The following TTC39C variants were observed in gnomAD, a reference collection of about 807,000 sequenced individuals.
TTC39C encodes the protein tetratricopeptide repeat protein 39C.
Under a neutral mutation model 76.3 loss-of-function variants are expected in TTC39C, and 33 were observed. The ratio of observed to expected loss-of-function variants is 0.43; its 90% CI spans 0.33 to 0.58. The LOEUF (loss-of-function observed/expected upper bound fraction) is 0.58. TTC39C is among the 20% of genes least tolerant of loss of function. TTC39C has a pLI of 0.04. For synonymous variants in TTC39C, 254 were observed against 260.6 expected (o/e 0.97, Z 0.24); for missense variants, 595 against 701.4 (o/e 0.85, Z 1.71).
chr18:24,014,743 TC>T, upstream of TTC39C: 3 of 1,072,962 alleles, frequency 2.8e-6, no homozygotes, highest in Non-Finnish European at 3.4e-6. Context: ...TCCCGTCTTC[TC>T]CCCTCCCCTC....
At position 24,030,648 on chromosome 18, in the gene TTC39C, C is replaced by CTTTTTTTTTTTTTTTTTT. The variant is rs1167104790; in HGVS notation, c.167+15614_167+15631dup. ...TCTCTCAACAGCCCCAAAGATAGGC[C>CTTTTTTTTTTTTTTTTTT]TTTTTTTTTTTTTTTTTTTTTGAGA... On this transcript the variant is annotated intron_variant, in intron 1 of 13. Transcript: ENST00000317571. Among the ~76,000 whole-genome samples, 4 of 89,064 alleles carry CTTTTTTTTTTTTTTTTTT rather than the reference C, an allele frequency of 4.5e-5. 1 individual carries two copies. Among genetic ancestry groups the CTTTTTTTTTTTTTTTTTT allele is most frequent in the Non-Finnish European group, 6.1e-5 (3 of 49,524 alleles). The allele number at this position is 89,064 out of a possible 152,430, so 58.4% of individuals were successfully genotyped here.
rs200762141 is a variant in TTC39C, at chr18:24,000,753, G to T, written c.-17+7715G>T. ...CCAGCACTTGGTTCAATGCCCTGCT[G>T]TTGTCATCTTAAAATTCTTCATGAT... is the stretch of plus-strand genomic sequence containing the variant. On this transcript the variant is annotated intron_variant, in intron 1 of 13. Coordinates refer to the TTC39C transcript ENST00000304621. Among the ~76,000 whole-genome samples, 40 of 152,256 alleles carry T rather than the reference G, an allele frequency of 2.6e-4. No homozygotes were observed. In the East Asian group the frequency reaches 7.5e-3, roughly 29 times the overall value.
intron 4 of TTC39C, among the ~76,000 whole-genome samples, chr18:24,075,280 G>A (rs1257908252): frequency 2.0e-5 from 3 of 151,690 alleles, no homozygotes; most frequent in Non-Finnish European, 2.9e-5. Context: ...GCACATGTAC[G>A]CTAGAACTTA....
chr18:24,050,563 C>CAAAAAAA (rs67885761), intron 1 of TTC39C, among the ~76,000 whole-genome samples: 5 of 77,104 alleles, frequency 6.5e-5, no homozygotes, highest in Non-Finnish European at 1.2e-4. Context: ...GACCCTGTCT[C>CAAAAAAA]AAAAAAAAAA....
chr18:24,030,525 CACAG>C (rs953210424), intron 1 of TTC39C, among the ~76,000 whole-genome samples: 24 of 152,128 alleles, frequency 1.6e-4, no homozygotes, highest in African/African-American at 5.8e-4. Context: ...TAAATGCCTG[CACAG>C]ACAAACAGTG....
rs116843579 is a variant in TTC39C at position 24,087,507 on chromosome 18, A to C, written c.984+4426A>C. Among the ~76,000 whole-genome samples the C allele has an allele frequency of 2.4e-4, 36 of 152,252 alleles. 2 individuals carry two copies. The East Asian group carries it at 6.8e-3, about 29-fold the overall frequency. ...CTCTAAAAAAGTGTTCAGATATTCA[A>C]ATAAATGAAAGTCGTTTTCTATAAA... is the stretch of plus-strand genomic sequence containing the variant. On this transcript the variant is annotated intron_variant, in intron 6 of 13. Transcript: ENST00000317571.
chr18:24,115,288 A>G (rs1226441179), intron 7 of TTC39C, among the ~76,000 whole-genome samples: 2 of 152,188 alleles, frequency 1.3e-5, no homozygotes, highest in Admixed American at 1.3e-4. Flanking sequence ...AATTGTTGCT[A>G]TGGGTCTTTG....
chr18:24,099,923 G>A (rs1160815229), intron 6 of TTC39C, among the ~76,000 whole-genome samples: 2 of 152,032 alleles, frequency 1.3e-5, no homozygotes, highest in Non-Finnish European at 2.9e-5. Flanking sequence ...CTGTAAAAAT[G>A]TGATATTATT....
intron 6 of TTC39C, among the ~76,000 whole-genome samples, chr18:24,113,001 A>C: frequency 6.6e-6 from 1 of 151,980 alleles, no homozygotes; most frequent in Admixed American, 6.5e-5. Flanking sequence ...GCTGTGTGCT[A>C]ACAGTCAGTG....
intron 6 of TTC39C, among the ~76,000 whole-genome samples, chr18:24,111,999 G>A (rs561846229): frequency 2.0e-5 from 3 of 151,784 alleles, no homozygotes; most frequent in East Asian, 1.9e-4. Context: ...CTCACTCAAT[G>A]ATCAGGATAG....
chr18:24,054,410 T>G (rs1410109833), intron 1 of TTC39C, among the ~76,000 whole-genome samples: 1 of 152,224 alleles, frequency 6.6e-6, no homozygotes, highest in Non-Finnish European at 1.5e-5. Flanking sequence ...GATGCATTTT[T>G]CTCTCTAAAA....
intron 1 of TTC39C, among the ~76,000 whole-genome samples, chr18:24,002,175 A>G (rs949891140): frequency 5.3e-5 from 8 of 152,130 alleles, no homozygotes; most frequent in African/African-American, 1.9e-4. Context: ...CAGGGTGGCC[A>G]ATCAGAGTAT....
At chr18:24,118,256 T>C (rs745471101) in intron 8 of TTC39C, 24 bp downstream of exon 8, 2 of 1,584,208 alleles carry the variant, frequency 1.3e-6, no homozygotes, top group East Asian at 2.2e-5. Context: ...GGTCCCTCAG[T>C]GTGCCTCTCT....
chr18:24,100,102 T>A (rs2145788575), intron 6 of TTC39C, among the ~76,000 whole-genome samples: 1 of 152,340 alleles, frequency 6.6e-6, no homozygotes, highest in Admixed American at 6.5e-5. Flanking sequence ...TAGTTTATCA[T>A]AACACATTTG....
intron 6 of TTC39C, among the ~76,000 whole-genome samples, chr18:24,085,689 G>C (rs749961119): frequency 3.5e-4 from 54 of 152,210 alleles, no homozygotes; most frequent in Admixed American, 2.6e-3. Context: ...TGTGATCAGA[G>C]TGCAGAGGGT....
At chr18:24,125,841 T>A (rs769630096) in intron 10 of TTC39C, among the ~76,000 whole-genome samples, 24 of 152,218 alleles carry the variant, frequency 1.6e-4, no homozygotes, top group Non-Finnish European at 2.1e-4. Context: ...CATACATTTT[T>A]TCTCCCCGAG....
chr18:24,019,966 A>G, intron 1 of TTC39C: 1 of 1,479,662 alleles, frequency 6.8e-7, no homozygotes, highest in Non-Finnish European at 8.9e-7. Context: ...TCTCTGCCTA[A>G]AACCATGTCA....
chr18:24,100,203 T>C (rs1336962116), intron 6 of TTC39C, among the ~76,000 whole-genome samples: 1 of 152,242 alleles, frequency 6.6e-6, no homozygotes, highest in East Asian at 1.9e-4. Context: ...TTATTAAATG[T>C]TCATTGTGAT....
At chr18:24,000,202 T>G (rs1304246139) in intron 1 of TTC39C, among the ~76,000 whole-genome samples, 1 of 152,198 alleles carries the variant, frequency 6.6e-6, no homozygotes, top group Admixed American at 6.5e-5. Flanking sequence ...TCCTAACCCC[T>G]AGCACTTTGG....
Sources: allele counts gnomAD v4.1 joint callset (sites outside exome capture counted in the v4.1 genomes callset), GRCh38; gene constraint gnomAD v4.1.1; transcripts MANE v1.5; gene names NCBI Gene and HGNC (gene_info 2026-07-23, HGNC 2026-07-21).